Variants in NAP1L1 observed in about 807,000 individuals in gnomAD.
The protein encoded by NAP1L1 is nucleosome assembly protein 1-like 1.
A neutral mutation model predicts 58.9 loss-of-function variants in NAP1L1; 9 were observed. The ratio of observed to expected loss-of-function variants is 0.15; its 90% CI spans 0.09 to 0.27. The LOEUF is 0.27. Ranked by LOEUF, NAP1L1 falls within the 10% of genes least tolerant of loss-of-function variation. The pLI is 1.00. For missense variants in NAP1L1, 302 were observed against 458.8 expected, an observed-to-expected ratio of 0.66 and a Z score of 3.12; for synonymous variants, 130 against 138.3, an observed-to-expected ratio of 0.94 and a Z score of 0.42.
chr12:76,080,205 G>T (rs1042323730), intron 1 of NAP1L1, among the ~76,000 whole-genome samples: 1 of 152,190 alleles, frequency 6.6e-6, no homozygotes, highest in Admixed American at 6.5e-5. Flanking sequence ...CTATTGCCTA[G>T]TAATGTCACA....
chr12:76,066,137 TAAAC>T (rs10563211), intron 4 of NAP1L1, among the ~76,000 whole-genome samples: 2,993 of 60,184 alleles, frequency 0.05, 54 homozygotes, highest in African/African-American at 0.069. Context: ...AATAAATAAA[TAAAC>T]AAACAAACAA....
chr12:76,052,598 C>T (rs1043800207), intron 11 of NAP1L1, among the ~76,000 whole-genome samples: 7 of 152,200 alleles, frequency 4.6e-5, no homozygotes, highest in Non-Finnish European at 8.8e-5. Context: ...CATACCTGCC[C>T]TACCTTGTGT....
At chr12:76,071,557 T>C (rs1949954689) in intron 2 of NAP1L1, among the ~76,000 whole-genome samples, 1 of 152,294 alleles carries the variant, frequency 6.6e-6, no homozygotes, top group African/African-American at 2.4e-5. Flanking sequence ...AGACAAGTGA[T>C]AATTTCATTG....
At chr12:76,049,319 A>G (rs906076743) in intron 13 of NAP1L1, 69 bp from the exon 14 acceptor site, 16 of 1,609,444 alleles carry the variant, frequency 9.9e-6, no homozygotes, top group Non-Finnish European at 1.3e-5. Context: ...TAATGTAGGG[A>G]AAATTTAATA....
At chr12:76,076,920 T>C (rs933243099) in intron 1 of NAP1L1, among the ~76,000 whole-genome samples, 13 of 152,182 alleles carry the variant, frequency 8.5e-5, no homozygotes, top group Admixed American at 2.0e-4. Context: ...GCAACTTTAA[T>C]ATAATGGCTA....
At chr12:76,077,942 C>T (rs1475314701) in intron 1 of NAP1L1, among the ~76,000 whole-genome samples, 3 of 141,618 alleles carry the variant, frequency 2.1e-5, no homozygotes, top group Non-Finnish European at 3.0e-5. Context: ...GAGATCACAC[C>T]GCTGCACTCC....
At chr12:76,050,696 T>G in intron 11 of NAP1L1, 43 bp from the exon 12 acceptor site, 1 of 1,580,968 alleles carries the variant, frequency 6.3e-7, no homozygotes, top group Non-Finnish European at 8.6e-7. Context: ...TAGGAATAAC[T>G]GTGTTACTTA....
chr12:76,046,984 G>C lies in NAP1L1; in HGVS notation c.*1445C>G, dbSNP rs943660244. The C allele has an allele frequency of 4.6e-5, 7 of 152,370 alleles. No individual in the cohort carries two copies. The highest frequency in any genetic ancestry group is 1.7e-4 in the African/African-American group (7 of 41,410). 9.4% of individuals were successfully genotyped at this position (152,370 alleles called of 1,614,324 possible). A position where few individuals can be genotyped will look rare whatever the true frequency, so the allele number is the denominator to read the frequency against. On this transcript the variant is annotated 3_prime_UTR_variant, in exon 15 of 15. Transcript: ENST00000618691. The stretch of plus-strand genomic sequence containing the variant: ...CAAATCTTGGACCTTGTGAAATAGT[G>C]CATCCCTCCACTTCTATAAAAATAG...
In NAP1L1 at chr12:76,044,102, G is replaced by C. The variant is rs1948576151; in HGVS notation, c.*4327C>G. 1.3e-5 allele frequency: 2 copies of C among 152,168 alleles called. No individual in the cohort carries two copies. Among genetic ancestry groups the C allele is most frequent in the Admixed American group, 1.3e-4 (2 of 15,288 alleles). The allele number at this position is 152,168 out of a possible 1,614,324, so 9.4% of individuals were successfully genotyped here. A position where few individuals can be genotyped will look rare whatever the true frequency, so the allele number is the denominator to read the frequency against. ...GGATCACTGGAGGTCAGGAGGTCGA[G>C]ACCAGCCTGGCCAACATGGTGAAAA... On this transcript the variant is annotated 3_prime_UTR_variant, in exon 15 of 15. Coordinates refer to ENST00000618691, the MANE Select transcript of NAP1L1 (RefSeq NM_004537.7).
rs1332162181 is a variant in NAP1L1 at position 76,048,397 on chromosome 12, C to T, written c.*32G>A. On this transcript the variant is annotated 3_prime_UTR_variant, in exon 15 of 15. Coordinates refer to ENST00000618691, the MANE Select transcript of NAP1L1 (RefSeq NM_004537.7). ...GAGTTGTGTTTAGGCTATTACAGTG[C>T]AGGTTATCCTCAAGGCCACATACAT... 11 of 1,611,190 alleles carry T rather than the reference C, an allele frequency of 6.8e-6. No individual in the cohort carries two copies. The South Asian group carries it at 8.8e-5, about 13-fold the overall frequency.
intron 1 of NAP1L1, among the ~76,000 whole-genome samples, chr12:76,082,512 CTT>C (rs1022825640): frequency 6.6e-6 from 1 of 152,164 alleles, no homozygotes; most frequent in African/African-American, 2.4e-5. Context: ...ATAGTGAAAA[CTT>C]TTAAATTTCT....
At chr12:76,053,584 AT>A (rs1948939125) in intron 9 of NAP1L1, among the ~76,000 whole-genome samples, 185 bp downstream of exon 9, 1 of 152,248 alleles carries the variant, frequency 6.6e-6, no homozygotes, top group Non-Finnish European at 1.5e-5. Flanking sequence ...CTGCAAAAAT[AT>A]ATGTGAGACA....
At position 76,046,026 on chromosome 12, in the gene NAP1L1, TTG is replaced by T. The variant is rs1948601182; in HGVS notation, c.*2401_*2402del. On this transcript the variant is annotated 3_prime_UTR_variant, in exon 15 of 15. Transcript: ENST00000618691. Reference sequence around the variant, plus strand: ...AATAATAAACTCCACTTAGCAGGGATTGTGAGGTTGCTCTTAAAATTATATAT... The same window carrying T: ...AATAATAAACTCCACTTAGCAGGGATTGAGGTTGCTCTTAAAATTATATAT... 1 of 151,956 alleles carries T rather than the reference TTG, an allele frequency of 6.6e-6. No individual in the cohort carries two copies. Among genetic ancestry groups the T allele is most frequent in the Admixed American group, 6.6e-5 (1 of 15,250 alleles). The allele number at this position is 151,956 out of a possible 1,614,324, so 9.4% of individuals were successfully genotyped here.
intron 6 of NAP1L1, chr12:76,057,760 A>G: frequency 6.4e-7 from 1 of 1,550,654 alleles, no homozygotes; most frequent in Non-Finnish European, 8.7e-7. Flanking sequence ...AAATTCACCC[A>G]AACAAGAAGC....
At chr12:76,063,881 TAAAAAA>T (rs10693123) in intron 4 of NAP1L1, among the ~76,000 whole-genome samples, 3 of 137,500 alleles carry the variant, frequency 2.2e-5, no homozygotes, top group Admixed American at 2.2e-4. Flanking sequence ...GTTAAAAGTT[TAAAAAA>T]AAAAAAAAAA....
In NAP1L1 at chr12:76,053,329, T is replaced by C. The variant is rs1948927914; in HGVS notation, c.792A>G (p.Lys264=). The C allele has an allele frequency of 6.2e-7, 1 of 1,613,684 alleles. No homozygotes were observed. ...TAGTTTTCAAAGTGACATTCTTTCC[T>C]TTTTTCCAATCTATCTGGCACCTTG... is the stretch of plus-strand genomic sequence containing the variant. ...GCTGCQIDWK[K]GKNVTLKTIK... The change falls in exon 10 of 15, where the codon AAA becomes AAG. Residue 264 remains lysine (K), a synonymous_variant. Coordinates refer to ENST00000618691, the MANE Select transcript of NAP1L1 (RefSeq NM_004537.7).
intron 4 of NAP1L1, among the ~76,000 whole-genome samples, chr12:76,062,530 T>C (rs1380051146): frequency 1.3e-5 from 2 of 152,156 alleles, no homozygotes; most frequent in African/African-American, 2.4e-5. Context: ...AATGTAAATA[T>C]ACTTAGAGAT....
rs959826919 is a variant in NAP1L1 at position 76,043,082 on chromosome 12, G to C, written c.*5347C>G. ...GTAAATTATCTTAACAGCTAACAGC[G>C]TCTTGTTCACTGCTGCTGCCACGTC... On this transcript the variant is annotated 3_prime_UTR_variant, in exon 15 of 15. Coordinates refer to ENST00000618691, the MANE Select transcript of NAP1L1 (RefSeq NM_004537.7). The C allele has an allele frequency of 4.6e-5, 7 of 152,106 alleles. No homozygotes were observed. The highest frequency in any genetic ancestry group is 1.7e-4 in the African/African-American group (7 of 41,396). 9.4% of individuals were successfully genotyped at this position (152,106 alleles called of 1,614,324 possible).
chr12:76,078,425 A>G (rs1950280457), intron 1 of NAP1L1, among the ~76,000 whole-genome samples: 1 of 152,200 alleles, frequency 6.6e-6, no homozygotes, highest in Admixed American at 6.5e-5. Context: ...TTCCTTCTAG[A>G]CCTTAAAAAA....
Sources: gnomAD v4.1 joint callset for allele counts (sites outside exome capture counted in the v4.1 genomes callset) on GRCh38, gnomAD v4.1.1 for gene constraint, MANE v1.5 for transcripts, NCBI Gene and HGNC (gene_info 2026-07-23, HGNC 2026-07-21) for gene names.